The following KCNN2 variants were observed in gnomAD, a reference collection of about 807,000 sequenced individuals.
KCNN2 encodes the protein small conductance calcium-activated potassium channel protein 2.
Under a neutral mutation model 55.5 loss-of-function variants are expected in KCNN2, and 24 were observed. That is an observed-to-expected ratio of 0.43 (90% CI 0.31 to 0.61). The LOEUF is 0.61. Among genes scored for constraint, KCNN2 ranks in the 20% least tolerant of loss-of-function variants. The pLI, the probability that KCNN2 is intolerant of heterozygous loss-of-function variation, is 0.08. For missense variants in KCNN2, 754 were observed against 853.6 expected (o/e 0.88, Z 1.45); for synonymous variants, 431 against 336.1 (o/e 1.28, Z -3.09).
intron 2 of KCNN2, among the ~76,000 whole-genome samples, chr5:114,339,795 C>T (rs1193912639): frequency 6.8e-6 from 1 of 147,530 alleles, no homozygotes. Context: ...AGAGCCAGAC[C>T]TTATCACAAA....
intron 2 of KCNN2, among the ~76,000 whole-genome samples, chr5:114,384,332 AGTT>A (rs1265181529): frequency 2.0e-5 from 3 of 152,344 alleles, no homozygotes; most frequent in East Asian, 3.9e-4. Flanking sequence ...ATCCATAATT[AGTT>A]GTTCCATGAA....
At chr5:114,095,972 A>C (rs1034305446) in intron 1 of KCNN2, among the ~76,000 whole-genome samples, 1 of 152,138 alleles carries the variant, frequency 6.6e-6, no homozygotes, top group Non-Finnish European at 1.5e-5. Flanking sequence ...AAAACAGGCT[A>C]TGTCATCTAT....
intron 1 of KCNN2, among the ~76,000 whole-genome samples, chr5:114,203,570 G>T (rs1753716419): frequency 6.6e-6 from 1 of 152,138 alleles, no homozygotes; most frequent in African/African-American, 2.4e-5. Flanking sequence ...AGGACCTAGT[G>T]AACTGACTTT....
chr5:114,106,759 T>A (rs1395905636), intron 1 of KCNN2, among the ~76,000 whole-genome samples: 1 of 151,550 alleles, frequency 6.6e-6, no homozygotes, highest in African/African-American at 2.4e-5. Context: ...TTAATTTGCA[T>A]AATAACTTCA....
intron 1 of KCNN2, among the ~76,000 whole-genome samples, chr5:114,123,175 A>T (rs1424633018): frequency 6.6e-6 from 1 of 152,090 alleles, no homozygotes; most frequent in African/African-American, 2.4e-5. Flanking sequence ...TATATCTCTA[A>T]TTCACTGTAA....
At chr5:114,443,878 A>T (rs1760305596) in intron 3 of KCNN2, among the ~76,000 whole-genome samples, 1 of 152,238 alleles carries the variant, frequency 6.6e-6, no homozygotes, top group Non-Finnish European at 1.5e-5. Context: ...GTGGCTGGTG[A>T]TAAGAAGAAG....
intron 2 of KCNN2, among the ~76,000 whole-genome samples, chr5:114,233,345 C>T (rs1266836888): frequency 6.6e-6 from 1 of 152,148 alleles, no homozygotes; most frequent in African/African-American, 2.4e-5. Context: ...TTATGTTTTA[C>T]ATCTTGGTCA....
chr5:114,069,650 C>A (rs1750525917), intron 1 of KCNN2, among the ~76,000 whole-genome samples: 1 of 152,138 alleles, frequency 6.6e-6, no homozygotes, highest in South Asian at 2.1e-4. Context: ...GTTAATAAAG[C>A]TTGTTCTGAA....
intron 3 of KCNN2, among the ~76,000 whole-genome samples, chr5:114,450,588 A>G (rs968550722): frequency 2.6e-5 from 4 of 152,200 alleles, no homozygotes; most frequent in African/African-American, 9.7e-5. Context: ...CGTTTTTGCC[A>G]AATTCCAAGA....
chr5:114,218,805 G>A (rs1451491934), intron 1 of KCNN2, among the ~76,000 whole-genome samples: 2 of 152,144 alleles, frequency 1.3e-5, no homozygotes, highest in African/African-American at 2.4e-5. Context: ...TGCTGAAATC[G>A]GGGAGGCTAT....
chr5:114,115,409 G>A (rs1015313803), intron 1 of KCNN2, among the ~76,000 whole-genome samples: 1 of 152,038 alleles, frequency 6.6e-6, no homozygotes, highest in Non-Finnish European at 1.5e-5. Flanking sequence ...CTATGCTGTG[G>A]GTTAACCACT....
chr5:114,178,849 T>A (rs993446987), intron 1 of KCNN2, among the ~76,000 whole-genome samples: 22 of 152,208 alleles, frequency 1.4e-4, no homozygotes, highest in Non-Finnish European at 2.9e-4. Flanking sequence ...TGGGTTGACA[T>A]ATTTTCTCAG....
chr5:114,408,598 A>AT (rs1246808444), intron 3 of KCNN2, among the ~76,000 whole-genome samples: 1 of 152,184 alleles, frequency 6.6e-6, no homozygotes, highest in Non-Finnish European at 1.5e-5. Context: ...TCTAGTTGAC[A>AT]TACCTATTTA....
chr5:114,391,588 C>G (rs1056899710), intron 2 of KCNN2, among the ~76,000 whole-genome samples: 2 of 152,078 alleles, frequency 1.3e-5, no homozygotes, highest in Non-Finnish European at 2.9e-5. Context: ...AAGCCACCCA[C>G]CCCAGAAATA....
chr5:114,084,684 C>T (rs1017193428), intron 1 of KCNN2, among the ~76,000 whole-genome samples: 1 of 151,912 alleles, frequency 6.6e-6, no homozygotes, highest in Non-Finnish European at 1.5e-5. Context: ...TGCTACTTAT[C>T]AAATTTTTTG....
At chr5:114,196,940 G>C (rs1753568824) in intron 1 of KCNN2, among the ~76,000 whole-genome samples, 1 of 151,818 alleles carries the variant, frequency 6.6e-6, no homozygotes, top group Non-Finnish European at 1.5e-5. Context: ...TGAGGTTATT[G>C]ATTGAGATCT....
intron 2 of KCNN2, among the ~76,000 whole-genome samples, chr5:114,270,476 A>G (rs1294478546): frequency 6.6e-6 from 1 of 152,228 alleles, no homozygotes; most frequent in Non-Finnish European, 1.5e-5. Flanking sequence ...GTAATATACT[A>G]TAAAAGCTGA....
intron 1 of KCNN2, among the ~76,000 whole-genome samples, chr5:114,064,046 TG>T (rs1750387574): frequency 1.3e-5 from 2 of 152,212 alleles, no homozygotes; most frequent in Non-Finnish European, 2.9e-5. Flanking sequence ...TGGAATCACC[TG>T]GAGAGCTTAA....
intron 1 of KCNN2, among the ~76,000 whole-genome samples, chr5:114,122,687 A>C (rs898146831): frequency 3.3e-5 from 5 of 152,294 alleles, no homozygotes; most frequent in African/African-American, 9.6e-5. Flanking sequence ...AGCTGGAATT[A>C]ATTCTCCCCA....
Sources: allele counts gnomAD v4.1 joint callset (sites outside exome capture counted in the v4.1 genomes callset), GRCh38; gene constraint gnomAD v4.1.1; transcripts MANE v1.5; gene names NCBI Gene and HGNC (gene_info 2026-07-23, HGNC 2026-07-21).